Variants in CNTNAP2 observed in about 807,000 individuals in gnomAD.
CNTNAP2 encodes the protein contactin-associated protein-like 2.
A neutral mutation model predicts 155.2 loss-of-function variants in CNTNAP2; 98 were observed. The observed-to-expected ratio is 0.63, with a 90% CI of 0.54 to 0.75. The LOEUF (loss-of-function observed/expected upper bound fraction) is 0.75, where lower values mean the gene tolerates loss of function less well. CNTNAP2 is among the 30% of genes least tolerant of loss of function. The pLI, the probability that CNTNAP2 is intolerant of heterozygous loss-of-function variation, is 0.00. For missense variants in CNTNAP2, 1,727 were observed against 1,688.1 expected, an observed-to-expected ratio of 1.02 and a Z score of -0.40; for synonymous variants, 651 against 631.2, an observed-to-expected ratio of 1.03 and a Z score of -0.47.
At chr7:148,031,338 C>T (rs1419845698) in intron 15 of CNTNAP2, among the ~76,000 whole-genome samples, 1 of 152,120 alleles carries the variant, frequency 6.6e-6, no homozygotes, top group Non-Finnish European at 1.5e-5. Context: ...AGTCAAAGGC[C>T]TAGAGTCAGG....
intron 9 of CNTNAP2, among the ~76,000 whole-genome samples, chr7:147,319,121 C>T (rs980562993): frequency 1.3e-5 from 2 of 151,878 alleles, no homozygotes; most frequent in Non-Finnish European, 2.9e-5. Context: ...TCTTTTTTGT[C>T]ATTGGTGAGT....
chr7:147,444,097 A>G (rs2046052), intron 10 of CNTNAP2, among the ~76,000 whole-genome samples: 28,293 of 152,198 alleles, frequency 0.19, 3,164 homozygotes, highest in Non-Finnish European at 0.25. Context: ...AAGGGCATTA[A>G]TCATCTGTTT....
chr7:147,361,984 A>T (rs1796155230), intron 9 of CNTNAP2, among the ~76,000 whole-genome samples: 1 of 152,178 alleles, frequency 6.6e-6, no homozygotes, highest in Non-Finnish European at 1.5e-5. Context: ...TGACACTGAG[A>T]CTGGGAAAGG....
chr7:147,929,092 C>CAAAAAAAAAA (rs66584239), intron 14 of CNTNAP2, among the ~76,000 whole-genome samples: 3 of 34,624 alleles, frequency 8.7e-5, no homozygotes, highest in African/African-American at 1.6e-4. Context: ...AACTCCATCC[C>CAAAAAAAAAA]AAAAAAAAAA....
chr7:148,114,791 A>G (rs541303943), intron 15 of CNTNAP2, among the ~76,000 whole-genome samples: 3 of 152,360 alleles, frequency 2.0e-5, no homozygotes, highest in Non-Finnish European at 2.9e-5. Context: ...TATAGTGTAC[A>G]TTATAAAGTA....
At chr7:147,178,503 G>T (rs1802392211) in intron 8 of CNTNAP2, among the ~76,000 whole-genome samples, 1 of 152,200 alleles carries the variant, frequency 6.6e-6, no homozygotes, top group Non-Finnish European at 1.5e-5. Context: ...TAATGAATGT[G>T]TGTTGTTTTA....
At position 146,665,109 on chromosome 7, in the gene CNTNAP2, CG is replaced by C. The variant is rs553601112; in HGVS notation, c.98-109160del. Reference sequence around the variant, plus strand: ...GATTACAGGCACCCACCACAATACCCGGCTGATTTTTGGATTTTTAGTAGCG... The same window carrying C: ...GATTACAGGCACCCACCACAATACCCGCTGATTTTTGGATTTTTAGTAGCG... On this transcript the variant is annotated intron_variant, in intron 1 of 23. Transcript: ENST00000361727. Among the ~76,000 whole-genome samples, 142 of 152,134 alleles carry C rather than the reference CG, an allele frequency of 9.3e-4. No individual in the cohort carries two copies. The Middle Eastern group carries it at 0.014, about 15-fold the overall frequency.
intron 13 of CNTNAP2, among the ~76,000 whole-genome samples, chr7:147,795,369 T>A (rs544232196): frequency 6.6e-6 from 1 of 152,266 alleles, no homozygotes; most frequent in Non-Finnish European, 1.5e-5. Context: ...GTACTTATAT[T>A]TGCCATTTTA....
At chr7:147,388,756 A>G (rs1467999225) in intron 9 of CNTNAP2, among the ~76,000 whole-genome samples, 1 of 151,992 alleles carries the variant, frequency 6.6e-6, no homozygotes, top group Non-Finnish European at 1.5e-5. Context: ...AAGTTTTTGT[A>G]TCTTTAGTAG....
At chr7:148,368,617 C>A (rs1393309592) in intron 21 of CNTNAP2, among the ~76,000 whole-genome samples, 1 of 152,140 alleles carries the variant, frequency 6.6e-6, no homozygotes, top group African/African-American at 2.4e-5. Flanking sequence ...AACTCAGACA[C>A]CAAGTTAAAG....
At chr7:147,195,254 G>A (rs1040113156) in intron 8 of CNTNAP2, among the ~76,000 whole-genome samples, 3 of 152,018 alleles carry the variant, frequency 2.0e-5, no homozygotes, top group African/African-American at 7.3e-5. Context: ...GATTTCTAAG[G>A]TCTCTATTCT....
At chr7:146,984,820 A>G (rs533487422) in intron 3 of CNTNAP2, among the ~76,000 whole-genome samples, 2 of 152,330 alleles carry the variant, frequency 1.3e-5, no homozygotes, top group East Asian at 3.9e-4. Context: ...GAAATGCTAT[A>G]AATCAGTATT....
At chr7:147,456,512 A>G (rs979604269) in intron 10 of CNTNAP2, among the ~76,000 whole-genome samples, 2 of 152,056 alleles carry the variant, frequency 1.3e-5, no homozygotes, top group South Asian at 2.1e-4. Context: ...TAGTTTTTCA[A>G]TTTTTTTTCT....
In CNTNAP2 at chr7:146,353,046, G is replaced by GC. The variant is rs1276188252; in HGVS notation, c.97+236076dup. ...TGGGATTACAGGCCTGAGCCACCGCGCCCGGCCAGGGGATGTCTTATTTCT... is the reference window on the plus strand; with the variant it reads ...TGGGATTACAGGCCTGAGCCACCGCGCCCCGGCCAGGGGATGTCTTATTTCT... On this transcript the variant is annotated intron_variant, in intron 1 of 23. Coordinates refer to ENST00000361727, the MANE Select transcript of CNTNAP2 (RefSeq NM_014141.6). 5.3e-5 allele frequency among the ~76,000 whole-genome samples: 8 copies of GC among 152,114 alleles called. No individual in the cohort carries two copies. In the South Asian group the frequency reaches 1.7e-3, roughly 32 times the overall value.
chr7:147,350,888 T>C (rs1795956533), intron 9 of CNTNAP2, among the ~76,000 whole-genome samples: 1 of 151,882 alleles, frequency 6.6e-6, no homozygotes, highest in Non-Finnish European at 1.5e-5. Context: ...TAAATTGACC[T>C]TATTGACCAA....
chr7:147,266,720 G>A (rs1234425942), intron 8 of CNTNAP2, among the ~76,000 whole-genome samples: 1 of 152,200 alleles, frequency 6.6e-6, no homozygotes, highest in African/African-American at 2.4e-5. Flanking sequence ...AACTGGGGTT[G>A]TGGGAGTAGT....
intron 12 of CNTNAP2, among the ~76,000 whole-genome samples, chr7:147,562,607 C>G (rs1354234909): frequency 6.6e-6 from 1 of 152,204 alleles, no homozygotes; most frequent in Non-Finnish European, 1.5e-5. Flanking sequence ...AATATTCTCA[C>G]TGTGCATGCT....
chr7:146,215,626 A>T (rs1384998066), intron 1 of CNTNAP2, among the ~76,000 whole-genome samples: 1 of 149,558 alleles, frequency 6.7e-6, no homozygotes. Context: ...TAATATATAT[A>T]TATTTTTTTA....
intron 14 of CNTNAP2, among the ~76,000 whole-genome samples, chr7:147,910,979 C>T (rs1800054793): frequency 6.6e-6 from 1 of 152,066 alleles, no homozygotes; most frequent in Non-Finnish European, 1.5e-5. Context: ...AATGAACTAT[C>T]TTAACCATTT....
Sources: gnomAD v4.1 joint callset for allele counts (sites outside exome capture counted in the v4.1 genomes callset) on GRCh38, gnomAD v4.1.1 for gene constraint, MANE v1.5 for transcripts, NCBI Gene and HGNC (gene_info 2026-07-23, HGNC 2026-07-21) for gene names.